Variants in STEAP1B observed in about 807,000 individuals in gnomAD.
STEAP1B encodes STEAP family protein MGC87042.
In STEAP1B, 13 loss-of-function variants were observed where a neutral mutation model predicts 27.9. That is an observed-to-expected ratio of 0.47 (90% CI 0.30 to 0.74). STEAP1B has a LOEUF of 0.74. STEAP1B is among the 30% of genes least tolerant of loss of function. The probability of loss-of-function intolerance (pLI) is 0.06; values close to 1 mark genes in which losing one functional copy is unlikely to be tolerated. For missense variants in STEAP1B, 250 were observed against 298.7 expected, an observed-to-expected ratio of 0.84 and a Z score of 1.20; for synonymous variants, 86 against 107.1, an observed-to-expected ratio of 0.80 and a Z score of 1.22.
intron 4 of STEAP1B, among the ~76,000 whole-genome samples, chr7:22,476,499 C>T (rs972891287): frequency 6.6e-6 from 1 of 152,174 alleles, no homozygotes; most frequent in Non-Finnish European, 1.5e-5. Flanking sequence ...ACAGACTCCA[C>T]CTGGGACCTT....
chr7:22,448,969 A>T (rs536615957), intron 4 of STEAP1B, among the ~76,000 whole-genome samples: 19 of 152,218 alleles, frequency 1.2e-4, no homozygotes, highest in Non-Finnish European at 1.2e-4. Context: ...GTAAGAGACA[A>T]GTACCATTTG....
rs1034363487 is a variant in STEAP1B, at chr7:22,467,533, G to A, written c.762+25032C>T. Among the ~76,000 whole-genome samples the A allele has an allele frequency of 3.9e-5, 6 of 152,160 alleles. No individual in the cohort carries two copies. In the South Asian group the frequency reaches 6.2e-4, roughly 16 times the overall value. ...AAATTGTAGCTCCCATAATTCCCTC[G>A]TGTTGTAGGAGGGACCCAGTGGGAG... On this transcript the variant is annotated intron_variant, in intron 4 of 4. Transcript: ENST00000678116.
chr7:22,437,413 G>A (rs1256025813), intron 4 of STEAP1B, among the ~76,000 whole-genome samples: 1 of 152,196 alleles, frequency 6.6e-6, no homozygotes, highest in Non-Finnish European at 1.5e-5. Flanking sequence ...GTTCATCCAT[G>A]TTGTCACATA....
At chr7:22,422,496 T>C (rs77986970) in intron 4 of STEAP1B, among the ~76,000 whole-genome samples, 1 of 87,936 alleles carries the variant, frequency 1.1e-5, no homozygotes, top group African/African-American at 3.1e-5. Context: ...TTTGTGTAAT[T>C]TTTTTTTTTT....
intron 4 of STEAP1B, among the ~76,000 whole-genome samples, chr7:22,485,665 A>G (rs73085131): frequency 0.094 from 14,330 of 152,154 alleles, 764 homozygotes; most frequent in Non-Finnish European, 0.12. Context: ...AAATCATGCA[A>G]CTCACTTTAT....
chr7:22,429,179 T>TA (rs1272512821), intron 4 of STEAP1B, among the ~76,000 whole-genome samples: 1 of 152,226 alleles, frequency 6.6e-6, no homozygotes, highest in Non-Finnish European at 1.5e-5. Context: ...CTCATAGGTT[T>TA]ATACCCTGGA....
intron 4 of STEAP1B, among the ~76,000 whole-genome samples, chr7:22,476,828 G>C (rs543023382): frequency 2.6e-4 from 39 of 152,228 alleles, no homozygotes; most frequent in African/African-American, 8.4e-4. Flanking sequence ...GGCTGTACTG[G>C]GTTCTCATCT....
At chr7:22,454,356 A>G (rs1006357703) in intron 4 of STEAP1B, among the ~76,000 whole-genome samples, 1 of 152,284 alleles carries the variant, frequency 6.6e-6, no homozygotes, top group African/African-American at 2.4e-5. Context: ...TTCGCCGAAT[A>G]ATAGAGAAGT....
chr7:22,463,471 G>A (rs190569148), intron 4 of STEAP1B, among the ~76,000 whole-genome samples: 1 of 152,210 alleles, frequency 6.6e-6, no homozygotes, highest in East Asian at 1.9e-4. Context: ...AGTTCATCTG[G>A]AACTGAAAAA....
chr7:22,482,881 T>C (rs1583653065), intron 4 of STEAP1B, among the ~76,000 whole-genome samples: 1 of 152,158 alleles, frequency 6.6e-6, no homozygotes, highest in Non-Finnish European at 1.5e-5. Context: ...ATGAGTGGCT[T>C]TGAACTGGGG....
chr7:22,458,280 T>C (rs895722066), intron 4 of STEAP1B, among the ~76,000 whole-genome samples: 2 of 152,138 alleles, frequency 1.3e-5, no homozygotes, highest in Non-Finnish European at 1.5e-5. Flanking sequence ...ATTTAGTTAG[T>C]GTACTAAAGT....
chr7:22,494,825 C>A lies in STEAP1B; in HGVS notation c.31G>T (p.Glu11Ter). The A allele has an allele frequency of 6.3e-7, 1 of 1,590,302 alleles. No individual in the cohort carries two copies. Residue 11 changes from glutamate to a stop codon, truncating the protein, a stop_gained, in exon 2 of 5, where the codon GAA (glutamate) becomes TAA (stop). Coordinates refer to ENST00000678116, the MANE Select transcript of STEAP1B (RefSeq NM_001382447.1). LOFTEE classifies it high-confidence loss of function. Reference protein sequence around the residue: MESRKDITNQEEIWKMKPRRN... With the variant: MESRKDITNQ ...CTAGGCTTCATTTTCCAAATTTCTT[C>A]TTGGTTTGTGATGTCTTTTCTGCTT...
chr7:22,421,446 G>A (rs543885692), intron 4 of STEAP1B, among the ~76,000 whole-genome samples: 1 of 152,356 alleles, frequency 6.6e-6, no homozygotes, highest in Admixed American at 6.5e-5. Context: ...GAGGCGTGGG[G>A]AGGTGTCAGA....
At chr7:22,444,813 T>C (rs1026526718) in intron 4 of STEAP1B, among the ~76,000 whole-genome samples, 7 of 152,220 alleles carry the variant, frequency 4.6e-5, no homozygotes, top group African/African-American at 1.7e-4. Flanking sequence ...TGAGCTGTGC[T>C]CTGTATGGAG....
At chr7:22,454,856 T>TACATATAA (rs1331271456) in intron 4 of STEAP1B, among the ~76,000 whole-genome samples, 1 of 84,700 alleles carries the variant, frequency 1.2e-5, no homozygotes, top group Non-Finnish European at 2.3e-5. Flanking sequence ...TATGTATATA[T>TACATATAA]ATATATATAT....
intron 4 of STEAP1B, among the ~76,000 whole-genome samples, chr7:22,422,339 G>A (rs540852761): frequency 6.6e-6 from 1 of 152,306 alleles, no homozygotes; most frequent in Admixed American, 6.5e-5. Context: ...AAATCCACCT[G>A]CTACAAATAT....
At chr7:22,471,313 G>C (rs1338141345) in intron 4 of STEAP1B, among the ~76,000 whole-genome samples, 1 of 152,196 alleles carries the variant, frequency 6.6e-6, no homozygotes, top group Non-Finnish European at 1.5e-5. Flanking sequence ...CTCAAGAGTT[G>C]CAAGGCCTGG....
chr7:22,420,328 T>C (rs1176443504), intron 4 of STEAP1B, among the ~76,000 whole-genome samples: 2 of 152,164 alleles, frequency 1.3e-5, no homozygotes, highest in Non-Finnish European at 2.9e-5. Flanking sequence ...TCCTCCAGCC[T>C]GGGGGATGAT....
At chr7:22,462,988 G>T (rs947683954) in intron 4 of STEAP1B, among the ~76,000 whole-genome samples, 1 of 150,060 alleles carries the variant, frequency 6.7e-6, no homozygotes. Context: ...GCCAGTGATG[G>T]TGAGCATTTT....
Sources: gnomAD v4.1 joint callset for allele counts (sites outside exome capture counted in the v4.1 genomes callset) on GRCh38, gnomAD v4.1.1 for gene constraint, MANE v1.5 for transcripts, NCBI Gene and HGNC (gene_info 2026-07-23, HGNC 2026-07-21) for gene names.